DST: variants seen among roughly 807,000 people sequenced by gnomAD.
DST encodes bullous pemphigoid antigen.
Under a neutral mutation model 875.2 loss-of-function variants are expected in DST, and 253 were observed. The observed-to-expected ratio is 0.29, with a 90% confidence interval of 0.26 to 0.32. The LOEUF (loss-of-function observed/expected upper bound fraction) is 0.32. DST is among the 10% of genes least tolerant of loss of function. DST has a pLI of 1.00. For synonymous variants in DST, 3,124 were observed against 3,197.1 expected (o/e 0.98, Z 0.77); for missense variants, 8,287 against 9,111.6 (o/e 0.91, Z 3.68).
Position 56,603,373 on chromosome 6 carries a change from A to C in DST, c.10989T>G (p.Asp3663Glu), listed in dbSNP as rs369117922. 3.1e-6 allele frequency: 5 copies of C among 1,610,838 alleles called. No homozygotes were observed. Among genetic ancestry groups the C allele is most frequent in the Non-Finnish European group, 4.2e-6 (5 of 1,179,096 alleles). ...LAPIAVILRK[D>E]MKLAEEFLKS... ...TTAAAAACTCTTCTGCCAACTTCAT[A>C]TCTTTTCTTAAAATAACAGCAATTG... The change falls in exon 42 of 104, where the codon GAT (aspartate) becomes GAG (glutamate). Residue 3663 changes from aspartate (D) to glutamate (E), a missense_variant. By Grantham distance (45) the Asp-to-Glu change is conservative. Coordinates refer to ENST00000680361, the MANE Select transcript of DST (RefSeq NM_001374736.1).
intron 4 of DST, among the ~76,000 whole-genome samples, chr6:56,812,151 A>AAAGAAAAGAAAAGAAAAGAG (rs375791736): frequency 6.8e-6 from 1 of 146,362 alleles, no homozygotes; most frequent in East Asian, 2.0e-4. Flanking sequence ...AAAGAAAAGA[A>AAAGAAAAGAAAAGAAAAGAG]AAAAGAAAAT....
rs749307837 is a variant in DST at position 56,552,949 on chromosome 6, A to G, written c.15843T>C (p.Val5281=). ...GAAGCTGCCTTTTAGATTCTTTGGA[A>G]ACTTCTTGAAATTCTTTAAACTTCT... ...MTQKFKEFQE[V]SKESKRQLQC... The change falls in exon 61 of 104, where the codon GTT becomes GTC. Residue 5281 remains valine (V), a synonymous_variant. Transcript: ENST00000680361. The G allele has an allele frequency of 6.2e-7, 1 of 1,614,006 alleles. No homozygotes were observed. Among genetic ancestry groups the G allele is most frequent in the South Asian group, 1.1e-5 (1 of 91,088 alleles).
At chr6:56,627,380 T>G in intron 33 of DST, 93 bp from the exon 34 acceptor site, 1 of 861,480 alleles carries the variant, frequency 1.2e-6, no homozygotes. Context: ...TCTACATCAC[T>G]TCACAGTACA....
chr6:56,800,787 G>A (rs754550955), intron 4 of DST, among the ~76,000 whole-genome samples: 8 of 152,120 alleles, frequency 5.3e-5, no homozygotes, highest in Non-Finnish European at 1.0e-4. Context: ...GGGAGGCTGA[G>A]GTGGGAGGAC....
At chr6:56,650,732 T>C (rs968041333) in intron 12 of DST, among the ~76,000 whole-genome samples, 194 bp downstream of exon 12, 2 of 152,214 alleles carry the variant, frequency 1.3e-5, no homozygotes, top group African/African-American at 4.8e-5. Flanking sequence ...AAAGTTTTAA[T>C]GAGTTATACT....
intron 4 of DST, among the ~76,000 whole-genome samples, chr6:56,768,239 A>G (rs537705090): frequency 6.6e-6 from 1 of 152,354 alleles, no homozygotes; most frequent in African/African-American, 2.4e-5. Context: ...AATAGACAAC[A>G]CAATCCCAGA....
At chr6:56,798,747 A>G (rs1332589870) in intron 4 of DST, among the ~76,000 whole-genome samples, 6 of 152,186 alleles carry the variant, frequency 3.9e-5, no homozygotes, top group Non-Finnish European at 8.8e-5. Context: ...AATATTCTGG[A>G]AAAAATTCAC....
Position 56,479,902 on chromosome 6 carries a change from G to A in DST, c.21531+2148C>T, listed in dbSNP as rs116777378. ...TACTCAATATACTCATATAGCAAAC[G>A]TGTACATGTACTCTCTGAATTTAAA... On this transcript the variant is annotated intron_variant, in intron 90 of 103. Transcript: ENST00000680361. 4.1e-3 allele frequency among the ~76,000 whole-genome samples: 624 copies of A among 152,078 alleles called. 3 individuals are homozygous for A. Among genetic ancestry groups the A allele is most frequent in the African/African-American group, 0.014 (591 of 41,496 alleles).
chr6:56,562,073 G>T, intron 56 of DST, 65 bp downstream of exon 56: 1 of 1,073,778 alleles, frequency 9.3e-7, no homozygotes, highest in Non-Finnish European at 1.3e-6. Context: ...TTGCCTCTAA[G>T]ATTTTCTCTT....
At chr6:56,708,400 C>T (rs895812815) in intron 5 of DST, among the ~76,000 whole-genome samples, 23 of 151,374 alleles carry the variant, frequency 1.5e-4, no homozygotes, top group African/African-American at 5.1e-4. Context: ...GAAGAAAATG[C>T]AGAAATAAAC....
intron 4 of DST, among the ~76,000 whole-genome samples, chr6:56,776,002 G>C (rs2099678373): frequency 6.6e-6 from 1 of 152,204 alleles, no homozygotes; most frequent in Admixed American, 6.5e-5. Context: ...GTAAGGATGG[G>C]GGAGGAAAGA....
intron 2 of DST, among the ~76,000 whole-genome samples, chr6:56,916,782 A>T (rs867304982): frequency 2.9e-3 from 319 of 110,654 alleles, no homozygotes; most frequent in African/African-American, 5.2e-3. Context: ...TCTCTCTCAC[A>T]CACACACACA....
At position 56,492,405 on chromosome 6, in the gene DST, C is replaced by T. The variant is rs1450180469; in HGVS notation, c.20579G>A (p.Arg6860His). ...KVFANEVNSH[R>H]EQIIELDKTG... ...TTTGTCCAGCTCTATTATCTGCTCA[C>T]GATGAGAATTTACTTCATTGGCAAA... Residue 6860 changes from arginine (R) to histidine (H), a missense_variant, in exon 85 of 104, where the codon CGT becomes CAT. Arg to His is a conservative substitution (Grantham distance 29). Transcript: ENST00000680361. The T allele has an allele frequency of 3.7e-6, 6 of 1,612,880 alleles. No homozygotes were observed. The Admixed American group carries it at 5.0e-5, about 13-fold the overall frequency.
At chr6:56,740,833 T>C (rs959603688) in intron 4 of DST, among the ~76,000 whole-genome samples, 5 of 152,146 alleles carry the variant, frequency 3.3e-5, no homozygotes, top group African/African-American at 1.2e-4. Flanking sequence ...AAAAAATTAC[T>C]TCCTAGGTAA....
In DST at chr6:56,555,383, C is replaced by T; in HGVS notation, c.15098G>A (p.Gly5033Asp). The T allele has an allele frequency of 4.4e-6, 7 of 1,603,334 alleles. No individual in the cohort carries two copies. Among genetic ancestry groups the T allele is most frequent in the Non-Finnish European group, 6.0e-6 (7 of 1,174,186 alleles). The change falls in exon 60 of 104, where the codon GGC becomes GAC. Residue 5033 changes from glycine (G) to aspartate (D), a missense_variant. Transcript: ENST00000680361. Reference protein sequence around the residue: ...LKAELSRQLEGILKSFKDVEQ... With the variant: ...LKAELSRQLEDILKSFKDVEQ... ...AACATCCTTAAATGATTTTAAGATG[C>T]CTTCTAGTTGCCTACTAAGTTCTGC...
chr6:56,824,400 G>A (rs1011293165), intron 4 of DST, among the ~76,000 whole-genome samples: 21 of 152,308 alleles, frequency 1.4e-4, no homozygotes, highest in Non-Finnish European at 2.8e-4. Context: ...CCAAAGAGCC[G>A]AGATTGCAGC....
At chr6:56,707,533 G>T (rs958839293) in intron 5 of DST, among the ~76,000 whole-genome samples, 1 of 152,288 alleles carries the variant, frequency 6.6e-6, no homozygotes, top group Admixed American at 6.5e-5. Flanking sequence ...CCAAGCACAT[G>T]ATTACTTTGG....
At chr6:56,550,242 CT>C (rs2097299325) in intron 61 of DST, among the ~76,000 whole-genome samples, 1 of 151,944 alleles carries the variant, frequency 6.6e-6, no homozygotes, top group Non-Finnish European at 1.5e-5. Context: ...TACTTGAAAA[CT>C]TTTTTTTCAA....
intron 2 of DST, among the ~76,000 whole-genome samples, chr6:56,942,102 T>C (rs1374472460): frequency 6.6e-6 from 1 of 152,226 alleles, no homozygotes; most frequent in Non-Finnish European, 1.5e-5. Context: ...CCATTTGCCT[T>C]GATTATCTAC....
Sources: gnomAD v4.1 joint callset for allele counts (sites outside exome capture counted in the v4.1 genomes callset) on GRCh38, gnomAD v4.1.1 for gene constraint, MANE v1.5 for transcripts, NCBI Gene and HGNC (gene_info 2026-07-23, HGNC 2026-07-21) for gene names.